The following ITPK1 variants were observed in gnomAD, a reference collection of about 807,000 sequenced individuals.
ITPK1 encodes the protein inositol 1,3,4-trisphosphate 5/6-kinase.
Under a neutral mutation model 45.3 loss-of-function variants are expected in ITPK1, and 21 were observed. That is an observed-to-expected ratio of 0.46 (90% CI 0.33 to 0.67). The LOEUF (loss-of-function observed/expected upper bound fraction) is 0.67, where lower values mean the gene tolerates loss of function less well. Among genes scored for constraint, ITPK1 ranks in the 30% least tolerant of loss-of-function variants. The probability of loss-of-function intolerance (pLI) is 0.02; values close to 1 mark genes in which losing one functional copy is unlikely to be tolerated. For synonymous variants in ITPK1, 258 were observed against 253.6 expected, an observed-to-expected ratio of 1.02 and a Z score of -0.16; for missense variants, 474 against 573.5, an observed-to-expected ratio of 0.83 and a Z score of 1.77.
At chr14:92,947,895 C>T (rs1887761716) in intron 9 of ITPK1, among the ~76,000 whole-genome samples, 2 of 152,210 alleles carry the variant, frequency 1.3e-5, no homozygotes, top group South Asian at 2.1e-4. Flanking sequence ...AACGTGTACT[C>T]AAACGGATGC....
chr14:92,972,058 C>T (rs1321329645), intron 5 of ITPK1, among the ~76,000 whole-genome samples: 1 of 152,210 alleles, frequency 6.6e-6, no homozygotes, highest in Non-Finnish European at 1.5e-5. Flanking sequence ...TCCCCTCACT[C>T]CATAATCATC....
At chr14:92,953,097 AGGGCCGCTGCGTGCTGG>A (rs1271175107) in intron 8 of ITPK1, among the ~76,000 whole-genome samples, 1 of 152,206 alleles carries the variant, frequency 6.6e-6, no homozygotes, top group Non-Finnish European at 1.5e-5. Flanking sequence ...GCACTGGCTG[AGGGCCGCTGCGTGCTGG>A]GGGCCATGCC....
In ITPK1 at chr14:93,103,114, A is replaced by AG. The variant is rs1440616858; in HGVS notation, c.95+11954_95+11955insC. Among the ~76,000 whole-genome samples the AG allele has an allele frequency of 1.6e-3, 228 of 143,382 alleles. 2 individuals carry two copies. Among genetic ancestry groups the AG allele is most frequent in the East Asian group, 8.2e-3 (40 of 4,898 alleles). The allele number at this position is 143,382 out of a possible 152,430, so 94.1% of individuals were successfully genotyped here. A position where few individuals can be genotyped will look rare whatever the true frequency, so the allele number is the denominator to read the frequency against. On this transcript the variant is annotated intron_variant, in intron 2 of 10. Coordinates refer to ENST00000267615, the MANE Select transcript of ITPK1 (RefSeq NM_014216.6). ...GACTCCATCTCAAAAAAAAAAAAAA[A>AG]AAAGAAAGAAAGAAAGAAAAAAAGA...
intron 2 of ITPK1, among the ~76,000 whole-genome samples, chr14:93,096,763 G>A (rs779846938): frequency 1.3e-5 from 2 of 152,132 alleles, no homozygotes; most frequent in Non-Finnish European, 2.9e-5. Context: ...AGAATGTAGG[G>A]GCTCCAATGT....
intron 5 of ITPK1, among the ~76,000 whole-genome samples, chr14:92,990,771 C>T (rs1181530029): frequency 6.6e-6 from 1 of 152,210 alleles, no homozygotes; most frequent in Non-Finnish European, 1.5e-5. Flanking sequence ...AGACAGACGG[C>T]CCACCTGAGC....
intron 3 of ITPK1, among the ~76,000 whole-genome samples, chr14:93,018,222 T>C (rs1248098336): frequency 6.6e-6 from 1 of 152,176 alleles, no homozygotes; most frequent in Admixed American, 6.5e-5. Flanking sequence ...GCCATATTTC[T>C]GGCAGCAGTC....
intron 3 of ITPK1, chr14:93,071,597 C>G (rs111459358): frequency 6.1e-4 from 93 of 152,306 alleles, no homozygotes; most frequent in African/African-American, 2.1e-3. Flanking sequence ...GTTAATGTTT[C>G]TCTTTTAAAT....
chr14:92,943,631 A>G (rs1029526624), intron 10 of ITPK1, among the ~76,000 whole-genome samples: 1 of 152,220 alleles, frequency 6.6e-6, no homozygotes. Context: ...TCCCCAGACA[A>G]CGCCCAGTGG....
chr14:92,973,229 T>C (rs990303789), intron 5 of ITPK1, among the ~76,000 whole-genome samples: 2 of 152,394 alleles, frequency 1.3e-5, no homozygotes, highest in South Asian at 4.1e-4. Flanking sequence ...AGTATGTTCC[T>C]TGGGGACAGG....
At chr14:93,082,590 G>T (rs932847162) in intron 2 of ITPK1, among the ~76,000 whole-genome samples, 2 of 152,240 alleles carry the variant, frequency 1.3e-5, no homozygotes, top group African/African-American at 4.8e-5. Context: ...CCTGCACTCT[G>T]CCCTGCCACC....
intron 2 of ITPK1, among the ~76,000 whole-genome samples, chr14:93,080,742 A>ATT (rs112499121): frequency 6.1e-5 from 9 of 146,982 alleles, no homozygotes; most frequent in African/African-American, 2.0e-4. Flanking sequence ...TAAAAGTTAC[A>ATT]TTTTTTTTTT....
intron 3 of ITPK1, among the ~76,000 whole-genome samples, chr14:93,055,394 A>G (rs1890180222): frequency 6.6e-6 from 1 of 151,904 alleles, no homozygotes; most frequent in South Asian, 2.1e-4. Flanking sequence ...CCCAAATCCC[A>G]CACCAGCCCT....
chr14:92,945,640 G>A (rs549560702), intron 10 of ITPK1, among the ~76,000 whole-genome samples: 5 of 152,328 alleles, frequency 3.3e-5, no homozygotes, highest in African/African-American at 4.8e-5. Context: ...TGTCCCCAGG[G>A]CGAGGCACGC....
At chr14:93,110,661 G>A (rs796426617) in intron 2 of ITPK1, among the ~76,000 whole-genome samples, 14 of 152,320 alleles carry the variant, frequency 9.2e-5, no homozygotes, top group East Asian at 3.9e-4. Flanking sequence ...GGTCATAAAC[G>A]TGAACATTAA....
At chr14:92,946,149 T>A (rs1459050560) in intron 10 of ITPK1, among the ~76,000 whole-genome samples, 182 bp downstream of exon 10, 1 of 152,068 alleles carries the variant, frequency 6.6e-6, no homozygotes, top group Non-Finnish European at 1.5e-5. Flanking sequence ...CCCTCCCTCC[T>A]CGCACACCCC....
chr14:93,002,799 C>T (rs1002333224), intron 4 of ITPK1, among the ~76,000 whole-genome samples: 3 of 152,150 alleles, frequency 2.0e-5, no homozygotes, highest in African/African-American at 7.2e-5. Flanking sequence ...GCAGTGGTAG[C>T]GAGGCCAAGG....
chr14:92,940,386 C>A lies in ITPK1; in HGVS notation c.*1175G>T. 5 of 1,022,120 alleles carry A rather than the reference C, an allele frequency of 4.9e-6. No homozygotes were observed. The highest frequency in any genetic ancestry group is 4.9e-4 in the Middle Eastern group (1 of 2,050). 63.3% of individuals were successfully genotyped at this position (1,022,120 alleles called of 1,614,324 possible). ...GGGGCTGCCTGGATCAGGGGTCAGACGGCAGAGCCAGTGCTTTGCTGCCAA... is the reference window on the plus strand; with the variant it reads ...GGGGCTGCCTGGATCAGGGGTCAGAAGGCAGAGCCAGTGCTTTGCTGCCAA... On this transcript the variant is annotated 3_prime_UTR_variant, in exon 11 of 11. Coordinates refer to ENST00000267615, the MANE Select transcript of ITPK1 (RefSeq NM_014216.6).
intron 5 of ITPK1, among the ~76,000 whole-genome samples, chr14:92,976,904 G>A (rs1442795891): frequency 6.6e-6 from 1 of 152,228 alleles, no homozygotes; most frequent in Non-Finnish European, 1.5e-5. Context: ...TCTGGAAAGA[G>A]TTAAGGAAGG....
At chr14:93,113,725 G>A (rs1892834597) in intron 2 of ITPK1, among the ~76,000 whole-genome samples, 1 of 152,088 alleles carries the variant, frequency 6.6e-6, no homozygotes. Context: ...GAATTGCTGG[G>A]GCCACTCTGC....
Sources: allele counts gnomAD v4.1 joint callset (sites outside exome capture counted in the v4.1 genomes callset), GRCh38; gene constraint gnomAD v4.1.1; transcripts MANE v1.5; gene names NCBI Gene and HGNC (gene_info 2026-07-23, HGNC 2026-07-21).